Variants in XPNPEP3 observed in about 807,000 individuals in gnomAD.
XPNPEP3 encodes xaa-Pro aminopeptidase 3.
In XPNPEP3, 41 loss-of-function variants were observed where a neutral mutation model predicts 60.0. The observed-to-expected ratio is 0.68, with a 90% CI of 0.53 to 0.89. The LOEUF (loss-of-function observed/expected upper bound fraction) is 0.89, where lower values mean the gene tolerates loss of function less well. XPNPEP3 is among the 40% of genes least tolerant of loss of function. The pLI is 0.00. For missense variants in XPNPEP3, 598 were observed against 638.9 expected (o/e 0.94, Z 0.69); for synonymous variants, 212 against 223.2 (o/e 0.95, Z 0.45).
At chr22:40,895,352 T>C (rs1041810770) in intron 4 of XPNPEP3, among the ~76,000 whole-genome samples, 8 of 152,164 alleles carry the variant, frequency 5.3e-5, no homozygotes, top group African/African-American at 1.9e-4. Flanking sequence ...CTTTTTTTTT[T>C]TGAGGCAGAG....
intron 1 of XPNPEP3, chr22:40,861,210 A>G (rs201163369): frequency 6.2e-7 from 1 of 1,614,188 alleles, no homozygotes; most frequent in East Asian, 2.2e-5. Context: ...ATTGTCCACG[A>G]AAGTATATTG....
intron 4 of XPNPEP3, among the ~76,000 whole-genome samples, chr22:40,903,442 T>TA (rs2058142414): frequency 6.6e-6 from 1 of 151,978 alleles, no homozygotes; most frequent in African/African-American, 2.4e-5. Context: ...GACTACTTAA[T>TA]ACTTAAACAA....
Position 40,924,433 on chromosome 22 carries a change from G to A in XPNPEP3, c.1308G>A (p.Met436Ile). The A allele has an allele frequency of 6.2e-7, 1 of 1,614,164 alleles. No homozygotes were observed. The highest frequency in any genetic ancestry group is 8.5e-7 in the Non-Finnish European group (1 of 1,180,026). The change falls in exon 9 of 10, where the codon ATG (methionine) becomes ATA (isoleucine). Residue 436 changes from methionine to isoleucine, a missense_variant. Met to Ile is a conservative substitution (Grantham distance 10). Coordinates refer to ENST00000357137, the MANE Select transcript of XPNPEP3 (RefSeq NM_022098.4). ...TGGATGTCCATGACACTCCAGACATGCCCCGTTCCCTCCCTCTGCAGCCTG... is the reference window on the plus strand; with the variant it reads ...TGGATGTCCATGACACTCCAGACATACCCCGTTCCCTCCCTCTGCAGCCTG... ...LGMDVHDTPD[M>I]PRSLPLQPGM...
At chr22:40,893,505 C>CAAAA (rs764114832) in intron 4 of XPNPEP3, among the ~76,000 whole-genome samples, 6 of 40,222 alleles carry the variant, frequency 1.5e-4, no homozygotes, top group African/African-American at 2.6e-4. Flanking sequence ...AACTCTATCT[C>CAAAA]AAAAAAAAAA....
intron 3 of XPNPEP3, among the ~76,000 whole-genome samples, chr22:40,884,362 C>T (rs796806288): frequency 6.1e-5 from 9 of 147,056 alleles, no homozygotes; most frequent in African/African-American, 1.5e-4. Context: ...AACAGAATTT[C>T]GCTCTTGCCC....
Position 40,886,382 on chromosome 22 carries a change from A to T in XPNPEP3, c.659A>T (p.Gln220Leu). 3 of 1,614,158 alleles carry T rather than the reference A, an allele frequency of 1.9e-6. No homozygotes were observed. The highest frequency in any genetic ancestry group is 2.5e-6 in the Non-Finnish European group (3 of 1,180,030). ...SHAQLHSDYM[Q>L]PLTEAKAKSK... ...GCACAGCTTCACTCTGACTATATGC[A>T]GCCCCTGACTGAGGCCAAAGCCAAG... is the stretch of plus-strand genomic sequence containing the variant. The change falls in exon 4 of 10, where the codon CAG (glutamine) becomes CTG (leucine). Residue 220 changes from glutamine to leucine, a missense_variant. Physicochemically the swap from Gln to Leu is moderately radical, Grantham distance 113. Transcript: ENST00000357137.
chr22:40,902,001 A>T (rs534302786), intron 4 of XPNPEP3, among the ~76,000 whole-genome samples: 1 of 151,326 alleles, frequency 6.6e-6, no homozygotes, highest in Non-Finnish European at 1.5e-5. Flanking sequence ...AATTTATATG[A>T]TGTGAATTTT....
At chr22:40,872,011 C>T (rs1193191026) in intron 2 of XPNPEP3, among the ~76,000 whole-genome samples, 1 of 152,134 alleles carries the variant, frequency 6.6e-6, no homozygotes, top group Non-Finnish European at 1.5e-5. Context: ...CCAGCTTGGG[C>T]AACAGAGTGA....
chr22:40,897,243 T>C (rs1458233912), intron 4 of XPNPEP3, among the ~76,000 whole-genome samples: 2 of 152,062 alleles, frequency 1.3e-5, no homozygotes, highest in Non-Finnish European at 2.9e-5. Context: ...TTAGCCAGGA[T>C]GGTCTCGATC....
rs1016835525 is a variant in XPNPEP3, at chr22:40,926,570, G to A, written c.*135G>A. On this transcript the variant is annotated 3_prime_UTR_variant, in exon 10 of 10. Transcript: ENST00000357137. Reference sequence around the variant, plus strand: ...TTGGGAGCATAGCAGCTGTGTGAATGTATGTAATTGTGTGTGGGGGGTTTT... The same window carrying A: ...TTGGGAGCATAGCAGCTGTGTGAATATATGTAATTGTGTGTGGGGGGTTTT... The A allele has an allele frequency of 2.6e-6, 3 of 1,148,794 alleles. No individual in the cohort carries two copies. The highest frequency in any genetic ancestry group is 2.3e-5 in the East Asian group (1 of 42,572). The allele number at this position is 1,148,794 out of a possible 1,614,324, so 71.2% of individuals were successfully genotyped here.
chr22:40,921,714 G>C (rs1213239617), intron 7 of XPNPEP3, among the ~76,000 whole-genome samples: 1 of 152,078 alleles, frequency 6.6e-6, no homozygotes, highest in African/African-American at 2.4e-5. Flanking sequence ...GGATATATTA[G>C]AGTAGAATTA....
At chr22:40,910,318 C>T (rs990970987) in intron 6 of XPNPEP3, among the ~76,000 whole-genome samples, 1 of 152,088 alleles carries the variant, frequency 6.6e-6, no homozygotes. Flanking sequence ...ATATATGTGA[C>T]TCCCCAAACA....
At chr22:40,859,912 T>C (rs1040758012) in intron 1 of XPNPEP3, 1 of 152,234 alleles carries the variant, frequency 6.6e-6, no homozygotes, top group Non-Finnish European at 1.5e-5. Context: ...TTGTAGATTT[T>C]GTGTACAAAC....
intron 1 of XPNPEP3, among the ~76,000 whole-genome samples, chr22:40,865,318 C>A (rs538978262): frequency 3.5e-5 from 5 of 144,058 alleles, no homozygotes; most frequent in African/African-American, 1.3e-4. Flanking sequence ...ACTGTGAGCC[C>A]TCCTCACTTT....
Position 40,932,730 on chromosome 22 carries a change from A to G in XPNPEP3, c.*6295A>G, listed in dbSNP as rs1423809000. ...TGCTGTTACTTTTTAAGGCATTACT[A>G]ATAACTGAAAATAGTTACGTCATTG... is the stretch of plus-strand genomic sequence containing the variant. On this transcript the variant is annotated 3_prime_UTR_variant, in exon 10 of 10. Transcript: ENST00000357137. 2 of 152,200 alleles carry G rather than the reference A, an allele frequency of 1.3e-5. No individual in the cohort carries two copies. The highest frequency in any genetic ancestry group is 1.9e-4 in the East Asian group (1 of 5,200). The allele number at this position is 152,200 out of a possible 1,614,324, so 9.4% of individuals were successfully genotyped here. A position where few individuals can be genotyped will look rare whatever the true frequency, so the allele number is the denominator to read the frequency against.
chr22:40,903,345 T>C (rs1304186233), intron 4 of XPNPEP3, among the ~76,000 whole-genome samples: 1 of 152,158 alleles, frequency 6.6e-6, no homozygotes, highest in East Asian at 1.9e-4. Flanking sequence ...TTTCCCCTCA[T>C]TTTGGTAACC....
chr22:40,866,643 G>C (rs2057980057), intron 1 of XPNPEP3, among the ~76,000 whole-genome samples: 1 of 152,172 alleles, frequency 6.6e-6, no homozygotes, highest in Non-Finnish European at 1.5e-5. Flanking sequence ...CTAAGCAAAA[G>C]AGTTTGAAGC....
Position 40,932,288 on chromosome 22 carries a change from T to G in XPNPEP3, c.*5853T>G, listed in dbSNP as rs557668426. 1.1e-4 allele frequency: 16 copies of G among 152,258 alleles called. No homozygotes were observed. The South Asian group carries it at 3.1e-3, about 30-fold the overall frequency. The allele number at this position is 152,258 out of a possible 1,614,324, so 9.4% of individuals were successfully genotyped here. On this transcript the variant is annotated 3_prime_UTR_variant, in exon 10 of 10. Coordinates refer to ENST00000357137, the MANE Select transcript of XPNPEP3 (RefSeq NM_022098.4). ...AAAATTAGGCAGGCACCACAGACAGTAGCAACATAAAGGAACCTGCTTAGA... is the reference window on the plus strand; with the variant it reads ...AAAATTAGGCAGGCACCACAGACAGGAGCAACATAAAGGAACCTGCTTAGA...
chr22:40,925,890 G>A (rs71328630), intron 9 of XPNPEP3, among the ~76,000 whole-genome samples: 5,119 of 152,196 alleles, frequency 0.034, 122 homozygotes, highest in Non-Finnish European at 0.055. Flanking sequence ...TTAGGCAGGG[G>A]AAGAATGCAC....
Sources: gnomAD v4.1 joint callset for allele counts (sites outside exome capture counted in the v4.1 genomes callset) on GRCh38, gnomAD v4.1.1 for gene constraint, MANE v1.5 for transcripts, NCBI Gene and HGNC (gene_info 2026-07-23, HGNC 2026-07-21) for gene names.